MTX2: variants seen among roughly 807,000 people sequenced by gnomAD.
MTX2 encodes metaxin-2.
In MTX2, 35 loss-of-function variants were observed where a neutral mutation model predicts 42.3. That is an observed-to-expected ratio of 0.83 (90% CI 0.63 to 1.10). MTX2 has a LOEUF of 1.10. Among genes scored for constraint, MTX2 ranks in the 50% least tolerant of loss-of-function variants. The pLI, the probability that MTX2 is intolerant of heterozygous loss-of-function variation, is 0.00. For missense variants in MTX2, 307 were observed against 304.1 expected, an observed-to-expected ratio of 1.01 and a Z score of -0.07; for synonymous variants, 119 against 100.9, an observed-to-expected ratio of 1.18 and a Z score of -1.08.
chr2:176,296,957 T>C, intron 2 of MTX2, 50 bp downstream of exon 2: 4 of 1,534,402 alleles, frequency 2.6e-6, no homozygotes, highest in Non-Finnish European at 3.6e-6. Flanking sequence ...CTATATTTAT[T>C]ACGGAAAAAT....
intron 3 of MTX2, among the ~76,000 whole-genome samples, chr2:176,311,935 G>T (rs1684321300): frequency 6.6e-6 from 1 of 152,188 alleles, no homozygotes; most frequent in South Asian, 2.1e-4. Context: ...CCAGTGAGAT[G>T]AACTAGGTAC....
intron 3 of MTX2, among the ~76,000 whole-genome samples, chr2:176,305,704 A>G (rs573130892): frequency 1.3e-5 from 2 of 152,152 alleles, no homozygotes; most frequent in African/African-American, 4.8e-5. Context: ...ATTTTTTTCT[A>G]TAGCTGTCAG....
At chr2:176,291,105 T>C (rs1400332584) in intron 1 of MTX2, among the ~76,000 whole-genome samples, 1 of 152,174 alleles carries the variant, frequency 6.6e-6, no homozygotes, top group Non-Finnish European at 1.5e-5. Context: ...TGTTAATTGC[T>C]GAGCCGATAT....
intron 3 of MTX2, among the ~76,000 whole-genome samples, chr2:176,309,320 T>C (rs1575050114): frequency 6.6e-6 from 1 of 152,196 alleles, no homozygotes; most frequent in East Asian, 1.9e-4. Flanking sequence ...AATTATGTGG[T>C]CAATTTTAGA....
intron 3 of MTX2, among the ~76,000 whole-genome samples, chr2:176,313,677 G>A (rs780782776): frequency 8.5e-5 from 13 of 152,168 alleles, no homozygotes; most frequent in Non-Finnish European, 1.6e-4. Context: ...ACAGGCATGA[G>A]CCACTGCACC....
intron 3 of MTX2, among the ~76,000 whole-genome samples, chr2:176,299,419 G>T (rs1683971061): frequency 6.6e-6 from 1 of 151,988 alleles, no homozygotes; most frequent in Admixed American, 6.6e-5. Context: ...AAATCTTAGT[G>T]TGTATTTTAT....
chr2:176,277,165 G>A (rs1048878891), intron 1 of MTX2, among the ~76,000 whole-genome samples: 9 of 152,162 alleles, frequency 5.9e-5, no homozygotes, highest in Admixed American at 1.3e-4. Context: ...TGGTAATAAA[G>A]TGTTTTCATT....
chr2:176,314,402 A>C (rs1480242544), intron 3 of MTX2, among the ~76,000 whole-genome samples: 1 of 150,930 alleles, frequency 6.6e-6, no homozygotes. Context: ...GCACTGCTGC[A>C]CTCCAGCCTG....
At chr2:176,277,604 A>G (rs1019113398) in intron 1 of MTX2, among the ~76,000 whole-genome samples, 2 of 151,936 alleles carry the variant, frequency 1.3e-5, no homozygotes, top group African/African-American at 2.4e-5. Context: ...GTTTCTCCAC[A>G]TTGTTCAGGC....
In MTX2 at chr2:176,326,838, T is replaced by A. The variant is rs750770973; in HGVS notation, c.222T>A (p.Phe74Leu). 2.5e-6 allele frequency: 4 copies of A among 1,571,608 alleles called. No individual in the cohort carries two copies. The highest frequency in any genetic ancestry group is 1.7e-4 in the Middle Eastern group (1 of 5,926). Residue 74 changes from phenylalanine (F) to leucine (L), a missense_variant, in exon 5 of 10, where the codon TTT becomes TTA. Transcript: ENST00000249442. ...TTCTCTCAACAGGTAAAGTACCTTT[T>A]ATTCATGTGGGAAATCAAGTAGTAT... Reference protein sequence around the residue: ...EYMSPSGKVPFIHVGNQVVSE... With the variant: ...EYMSPSGKVPLIHVGNQVVSE...
At chr2:176,329,484 C>A in intron 8 of MTX2, 58 bp downstream of exon 8, 1 of 1,486,406 alleles carries the variant, frequency 6.7e-7, no homozygotes, top group African/African-American at 1.4e-5. Context: ...AAGAATCATT[C>A]TTTATATTGA....
chr2:176,269,695 A>G (rs1692748549), intron 1 of MTX2, 26 bp downstream of exon 1: 1 of 1,584,592 alleles, frequency 6.3e-7, no homozygotes, highest in African/African-American at 1.4e-5. Flanking sequence ...GCAGACCCAG[A>G]AGGTGGCGGC....
Position 176,329,436 on chromosome 2 carries a change from G to A in MTX2, c.543+10G>A. 4 of 1,596,224 alleles carry A rather than the reference G, an allele frequency of 2.5e-6. No homozygotes were observed. Among genetic ancestry groups the A allele is most frequent in the Middle Eastern group, 1.7e-4 (1 of 5,968 alleles). On this transcript the variant is annotated intron_variant, in intron 8 of 9. Coordinates refer to ENST00000249442, the MANE Select transcript of MTX2 (RefSeq NM_006554.5). ...GAAGACTCTGGACCAGGTCAGTTCA[G>A]GTTGAAGTTGACAAAACCCTCAACT...
intron 1 of MTX2, 71 bp downstream of exon 1, chr2:176,269,740 G>C: frequency 6.7e-7 from 1 of 1,502,866 alleles, no homozygotes; most frequent in Non-Finnish European, 8.9e-7. Flanking sequence ...TACAGGGCTG[G>C]AGCTTTCCTC....
rs1275940640 is a variant in MTX2 at position 176,329,402 on chromosome 2, A to G, written c.519A>G (p.Gly173=). 6.2e-7 allele frequency: 1 copy of G among 1,607,198 alleles called. No homozygotes were observed. The highest frequency in any genetic ancestry group is 8.5e-7 in the Non-Finnish European group (1 of 1,175,296). ...WEVKRKMKAI[G]WGKKTLDQVL... ...TCAAACGTAAGATGAAAGCTATTGG[A>G]TGGGGAAAGAAGACTCTGGACCAGG... The change falls in exon 8 of 10, where the codon GGA becomes GGG. Residue 173 remains glycine (G), a synonymous_variant. Transcript: ENST00000249442.
intron 9 of MTX2, among the ~76,000 whole-genome samples, chr2:176,337,205 C>G (rs1490043854): frequency 6.6e-6 from 1 of 152,064 alleles, no homozygotes; most frequent in African/African-American, 2.4e-5. Flanking sequence ...CCATGCCTGG[C>G]TAATTTTTGT....
chr2:176,329,677 C>A (rs1469647463), intron 8 of MTX2, among the ~76,000 whole-genome samples: 1 of 150,698 alleles, frequency 6.6e-6, no homozygotes, highest in Non-Finnish European at 1.5e-5. Context: ...GAAAATACCA[C>A]CCTTAACTAT....
chr2:176,312,029 C>T (rs956116098), intron 3 of MTX2, among the ~76,000 whole-genome samples: 1 of 152,216 alleles, frequency 6.6e-6, no homozygotes, highest in Non-Finnish European at 1.5e-5. Context: ...GTTCGGCCCT[C>T]TTGCAGTTGT....
At chr2:176,334,367 A>G (rs1684938738) in intron 9 of MTX2, among the ~76,000 whole-genome samples, 1 of 151,888 alleles carries the variant, frequency 6.6e-6, no homozygotes, top group African/African-American at 2.4e-5. Context: ...AATTGGTAAG[A>G]TAAGATGTAC....
Sources: gnomAD v4.1 joint callset for allele counts (sites outside exome capture counted in the v4.1 genomes callset) on GRCh38, gnomAD v4.1.1 for gene constraint, MANE v1.5 for transcripts, NCBI Gene and HGNC (gene_info 2026-07-23, HGNC 2026-07-21) for gene names.